The following ZZEF1 variants were observed in gnomAD, a reference collection of about 807,000 sequenced individuals.
ZZEF1 encodes the protein zinc finger ZZ-type and EF-hand domain-containing protein 1.
A neutral mutation model predicts 342.8 loss-of-function variants in ZZEF1; 157 were observed. That is an observed-to-expected ratio of 0.46 (90% CI 0.40 to 0.52). The LOEUF is 0.52. Ranked by LOEUF, ZZEF1 falls within the 20% of genes least tolerant of loss-of-function variation. The probability of loss-of-function intolerance (pLI) is 0.00; values close to 1 mark genes in which losing one functional copy is unlikely to be tolerated. For missense variants in ZZEF1, 3,480 were observed against 3,725.6 expected (o/e 0.93, Z 1.72); for synonymous variants, 1,505 against 1,429.1 (o/e 1.05, Z -1.20).
chr17:4,087,316 C>T (rs138218182), intron 14 of ZZEF1, 118 bp downstream of exon 14: 13 of 690,696 alleles, frequency 1.9e-5, no homozygotes, highest in Non-Finnish European at 3.1e-5. Context: ...TATTTTAAAT[C>T]GAACCATAAA....
At chr17:4,024,549 C>A (rs918620163) in intron 43 of ZZEF1, among the ~76,000 whole-genome samples, 2 of 152,118 alleles carry the variant, frequency 1.3e-5, no homozygotes, top group African/African-American at 4.8e-5. Context: ...ACTGTCAAAC[C>A]TGTTGCTCAT....
rs758709330 is a variant in ZZEF1 at position 4,034,119 on chromosome 17, G to A, written c.6480C>T (p.Leu2160=). The change falls in exon 40 of 55, where the codon CTC becomes CTT. Residue 2160 remains leucine, a synonymous_variant. Coordinates refer to ENST00000381638, the MANE Select transcript of ZZEF1 (RefSeq NM_015113.4). ...CAGCAAACAGGTTGTGTTTGGCTGA[G>A]AGGACTTTGATCACTGCGGCGTCTA... ...AEVDAAVIKV[L]SAKHNLFAAG... 1 of 1,614,214 alleles carries A rather than the reference G, an allele frequency of 6.2e-7. No individual in the cohort carries two copies.
At position 4,083,660 on chromosome 17, in the gene ZZEF1, C is replaced by T. The variant is rs1205716123; in HGVS notation, c.2647-1156G>A. Among the ~76,000 whole-genome samples the T allele has an allele frequency of 5.8e-5, 8 of 136,910 alleles. No homozygotes were observed. In the South Asian group the frequency reaches 9.2e-4, roughly 16 times the overall value. 89.8% of individuals were successfully genotyped at this position (136,910 alleles called of 152,430 possible). A position where few individuals can be genotyped will look rare whatever the true frequency, so the allele number is the denominator to read the frequency against. On this transcript the variant is annotated intron_variant, in intron 16 of 54. Coordinates refer to ENST00000381638, the MANE Select transcript of ZZEF1 (RefSeq NM_015113.4). ...TCCTTTTTTTTTTTTTTTTTTGAGA[C>T]GGAATCTCGCTCTGTTGCCCAGGGT...
At chr17:4,138,830 T>C (rs919621914) in intron 1 of ZZEF1, among the ~76,000 whole-genome samples, 27 of 152,254 alleles carry the variant, frequency 1.8e-4, no homozygotes, top group Non-Finnish European at 3.5e-4. Context: ...ATTTTAATTC[T>C]ATTTCCCCTC....
At chr17:4,128,605 A>G (rs2058614093) in intron 1 of ZZEF1, among the ~76,000 whole-genome samples, 2 of 151,230 alleles carry the variant, frequency 1.3e-5, no homozygotes, top group East Asian at 2.0e-4. Context: ...GACCACAGGC[A>G]TGCACCACCA....
At chr17:4,090,904 T>C in intron 11 of ZZEF1, 74 bp from the exon 12 acceptor site, 1 of 1,120,160 alleles carries the variant, frequency 8.9e-7, no homozygotes, top group Non-Finnish European at 1.3e-6. Flanking sequence ...AGGTATCATC[T>C]AAGTGACATG....
chr17:4,096,652 G>C lies in ZZEF1; in HGVS notation c.1721C>G (p.Thr574Ser). ...GKTRASTIFS[T>S]GTESAFQVTQ... is the part of the protein sequence containing the mutation. Reference sequence around the variant, plus strand: ...AACTTGGAAGGCAGATTCAGTTCCGGTAGAAAAAATAGTGCTGGCTCTGGT... The same window carrying C: ...AACTTGGAAGGCAGATTCAGTTCCGCTAGAAAAAATAGTGCTGGCTCTGGT... Residue 574 changes from threonine (T) to serine (S), a missense_variant, in exon 10 of 55, where the codon ACC becomes AGC. Coordinates refer to ENST00000381638, the MANE Select transcript of ZZEF1 (RefSeq NM_015113.4). 6.2e-7 allele frequency: 1 copy of C among 1,614,058 alleles called. No homozygotes were observed. The highest frequency in any genetic ancestry group is 8.5e-7 in the Non-Finnish European group (1 of 1,179,984).
At chr17:4,061,220 T>C (rs1489496399) in intron 30 of ZZEF1, among the ~76,000 whole-genome samples, 2 of 152,210 alleles carry the variant, frequency 1.3e-5, no homozygotes, top group Admixed American at 1.3e-4. Flanking sequence ...CTTTTTTCTT[T>C]TCCAGGGAAG....
chr17:4,032,806 T>C (rs1378770204), intron 41 of ZZEF1, 22 bp downstream of exon 41: 1 of 1,611,374 alleles, frequency 6.2e-7, no homozygotes, highest in Non-Finnish European at 8.5e-7. Flanking sequence ...GACCAGGCCC[T>C]CAGGCCTTCA....
chr17:4,061,175 T>C (rs1416074011), intron 30 of ZZEF1, among the ~76,000 whole-genome samples: 1 of 152,260 alleles, frequency 6.6e-6, no homozygotes, highest in Non-Finnish European at 1.5e-5. Flanking sequence ...TTTCGAACTC[T>C]CACATTAGTA....
At position 4,044,365 on chromosome 17, in the gene ZZEF1, C is replaced by T. The variant is rs147718130; in HGVS notation, c.6025G>A (p.Ala2009Thr). The change falls in exon 38 of 55, where the codon GCT becomes ACT. Residue 2009 changes from alanine to threonine, a missense_variant. Physicochemically the swap from Ala to Thr is moderately conservative, Grantham distance 58. This residue lies in a region of ZZEF1 where 1,269 missense variants were observed against 1,342.4 expected (regional missense o/e 0.95). Coordinates refer to ENST00000381638, the MANE Select transcript of ZZEF1 (RefSeq NM_015113.4). ...ELSEAGNGKR[A>T]VHEEIRPVDF... ...ACAGGTCTGATTTCCTCATGAACAGCTCTCTTTCCCTAAAAAAACAAAAGT... is the reference window on the plus strand; with the variant it reads ...ACAGGTCTGATTTCCTCATGAACAGTTCTCTTTCCCTAAAAAAACAAAAGT... 2 of 1,605,540 alleles carry T rather than the reference C, an allele frequency of 1.2e-6. No homozygotes were observed. The highest frequency in any genetic ancestry group is 1.7e-6 in the Non-Finnish European group (2 of 1,177,644).
Position 4,052,052 on chromosome 17 carries a change from A to G in ZZEF1, c.5519T>C (p.Ile1840Thr). ...FTCDHCQGLI[I>T]GRRMNCNVCD... ...AACATTGCAGTTCATCCTCCGGCCT[A>G]TGATCAAACCCTGGCAGTGGTCACA... The change falls in exon 35 of 55, where the codon ATA becomes ACA. Residue 1840 changes from isoleucine (I) to threonine (T), a missense_variant. Ile to Thr is a moderately conservative substitution (Grantham distance 89, BLOSUM62 -1). Around this residue, in one of 5 missense-constraint regions of ZZEF1, gnomAD observed 175 missense variants for 254.6 expected, o/e 0.69. Coordinates refer to ENST00000381638, the MANE Select transcript of ZZEF1 (RefSeq NM_015113.4). The G allele has an allele frequency of 6.2e-7, 1 of 1,614,176 alleles. No individual in the cohort carries two copies.
intron 6 of ZZEF1, 146 bp from the exon 7 acceptor site, chr17:4,105,955 C>A (rs894050346): frequency 9.6e-6 from 6 of 627,242 alleles, no homozygotes; most frequent in Non-Finnish European, 1.6e-5. Flanking sequence ...TAAACTGGCC[C>A]TTCTTTTTTT....
intron 44 of ZZEF1, among the ~76,000 whole-genome samples, chr17:4,022,145 G>A (rs781862): frequency 0.079 from 12,088 of 152,118 alleles, 1,598 homozygotes; most frequent in African/African-American, 0.28. Flanking sequence ...GTGAATGGCC[G>A]CTCACTCCCT....
At position 4,082,499 on chromosome 17, in the gene ZZEF1, G is replaced by C; in HGVS notation, c.2652C>G (p.Val884=). 6.2e-7 allele frequency: 1 copy of C among 1,613,882 alleles called. No homozygotes were observed. The highest frequency in any genetic ancestry group is 1.7e-5 in the Admixed American group (1 of 60,028). The part of the protein sequence containing the change: ...RRNHLFTMMN[V]TEQEHKQSLQ... ...GGGACTGCTTGTGCTCCTGCTCGGT[G>C]ACATTCTTCTAGAAAACCAGAAATT... Residue 884 remains valine, a synonymous_variant, in exon 17 of 55, where the codon GTC becomes GTG. Transcript: ENST00000381638.
chr17:4,065,397 CA>C (rs375097426), intron 28 of ZZEF1, among the ~76,000 whole-genome samples: 52 of 123,494 alleles, frequency 4.2e-4, no homozygotes, highest in South Asian at 5.4e-4. Flanking sequence ...ACACTGTCTC[CA>C]AAAAAAAAAA....
intron 26 of ZZEF1, 51 bp from the exon 27 acceptor site, chr17:4,067,293 A>G: frequency 3.4e-6 from 5 of 1,458,782 alleles, no homozygotes; most frequent in East Asian, 2.3e-5. Flanking sequence ...ACAATTCACT[A>G]CTGCAACATT....
intron 43 of ZZEF1, among the ~76,000 whole-genome samples, chr17:4,024,184 AGGTTT>A (rs1376630096): frequency 5.2e-5 from 4 of 77,078 alleles, no homozygotes; most frequent in African/African-American, 3.2e-4. Context: ...AATATTGCCC[AGGTTT>A]TTTTTTTTTT....
intron 11 of ZZEF1, among the ~76,000 whole-genome samples, chr17:4,094,669 A>G (rs1466550743): frequency 6.6e-6 from 1 of 152,096 alleles, no homozygotes; most frequent in Non-Finnish European, 1.5e-5. Flanking sequence ...GAAAGGCACT[A>G]CCAATTTCCC....
Sources: gnomAD v4.1 joint callset for allele counts (sites outside exome capture counted in the v4.1 genomes callset) on GRCh38, gnomAD v4.1.1 for gene constraint, gnomAD v4.1.1 regional missense constraint, MANE v1.5 for transcripts, NCBI Gene and HGNC (gene_info 2026-07-23, HGNC 2026-07-21) for gene names.